Variants in TGM6 observed in about 807,000 individuals in gnomAD.
The protein encoded by TGM6 is protein-glutamine gamma-glutamyltransferase 6.
In TGM6, 74 loss-of-function variants were observed where a neutral mutation model predicts 77.5. That is an observed-to-expected ratio of 0.96 (90% CI 0.79 to 1.16). The LOEUF is 1.16. TGM6 is among the 50% of genes most tolerant of loss of function. TGM6 has a pLI of 0.00. For synonymous variants in TGM6, 383 were observed against 378.9 expected, an observed-to-expected ratio of 1.01 and a Z score of -0.12; for missense variants, 968 against 940.2, an observed-to-expected ratio of 1.03 and a Z score of -0.39.
chr20:2,395,516 G>A, intron 3 of TGM6, 80 bp downstream of exon 3: 1 of 1,611,750 alleles, frequency 6.2e-7, no homozygotes, highest in Non-Finnish European at 8.5e-7. Context: ...GGGGGCCTGG[G>A]AGGTGGGTTA....
At chr20:2,407,506 C>T (rs963583833) in intron 9 of TGM6, among the ~76,000 whole-genome samples, 3 of 152,126 alleles carry the variant, frequency 2.0e-5, no homozygotes, top group African/African-American at 7.2e-5. Context: ...GTAGTCCCAG[C>T]TGTTCAGGAG....
At chr20:2,381,901 G>C (rs2122316729) in intron 1 of TGM6, among the ~76,000 whole-genome samples, 1 of 152,236 alleles carries the variant, frequency 6.6e-6, no homozygotes, top group East Asian at 1.9e-4. Context: ...CTGGGCAACA[G>C]AGTGAGACCC....
chr20:2,430,789 G>A, intron 11 of TGM6, 105 bp from the exon 12 acceptor site: 3 of 1,604,484 alleles, frequency 1.9e-6, no homozygotes, highest in Non-Finnish European at 2.6e-6. Context: ...TATGGAGGTG[G>A]GGGTGGACAT....
intron 10 of TGM6, among the ~76,000 whole-genome samples, chr20:2,426,190 C>T (rs2084886454): frequency 6.6e-6 from 1 of 152,094 alleles, no homozygotes; most frequent in Non-Finnish European, 1.5e-5. Context: ...CAGAGTTTTA[C>T]AGTTCTTCTT....
chr20:2,426,638 G>A (rs963880171), intron 10 of TGM6, among the ~76,000 whole-genome samples: 2 of 152,158 alleles, frequency 1.3e-5, no homozygotes, highest in Non-Finnish European at 2.9e-5. Context: ...TAAGGACAAT[G>A]TTTGCTGTAG....
intron 9 of TGM6, among the ~76,000 whole-genome samples, chr20:2,407,456 T>A (rs953087191): frequency 6.6e-6 from 1 of 152,066 alleles, no homozygotes; most frequent in Admixed American, 6.6e-5. Flanking sequence ...CCATTTCTAC[T>A]AAAAATACAA....
At chr20:2,402,517 G>A (rs1029866829) in intron 7 of TGM6, among the ~76,000 whole-genome samples, 10 of 151,970 alleles carry the variant, frequency 6.6e-5, no homozygotes, top group Non-Finnish European at 1.5e-4. Context: ...TTGATGTTGG[G>A]GACTCTGTCA....
Position 2,403,620 on chromosome 20 carries a change from G to A in TGM6, c.1133G>A (p.Arg378His), listed in dbSNP as rs756051299. ...GGCCCAGCCTCAGTCACCGCCATCCGCGAGGGTGATGTGCACCTGGCTCAC... is the reference window on the plus strand; with the variant it reads ...GGCCCAGCCTCAGTCACCGCCATCCACGAGGGTGATGTGCACCTGGCTCAC... ...RCGPASVTAI[R>H]EGDVHLAHDG... Residue 378 changes from arginine to histidine, a missense_variant, in exon 9 of 13, where the codon CGC becomes CAC. Transcript: ENST00000202625. 3.5e-5 allele frequency: 57 copies of A among 1,614,004 alleles called. No individual in the cohort carries two copies. Among genetic ancestry groups the A allele is most frequent in the Middle Eastern group, 1.6e-4 (1 of 6,084 alleles).
At chr20:2,423,249 C>A (rs373409662) in intron 10 of TGM6, among the ~76,000 whole-genome samples, 3 of 151,666 alleles carry the variant, frequency 2.0e-5, no homozygotes, top group Non-Finnish European at 2.9e-5. Flanking sequence ...CTTCCTTTCA[C>A]GAAGGATTTC....
intron 9 of TGM6, among the ~76,000 whole-genome samples, chr20:2,416,877 T>C (rs968705946): frequency 1.3e-5 from 2 of 152,218 alleles, no homozygotes; most frequent in Non-Finnish European, 2.9e-5. Flanking sequence ...TACTTCCCTG[T>C]GTCTCGGCTT....
At position 2,383,127 on chromosome 20, in the gene TGM6, G is replaced by A. The variant is rs118069771; in HGVS notation, c.7+2152G>A. On this transcript the variant is annotated intron_variant, in intron 1 of 12. Transcript: ENST00000202625. ...CCCAGAAAGGCCCCAGGCAACTCTC[G>A]ATAAATCATTTAGTCATGGAGTTCA... is the stretch of plus-strand genomic sequence containing the variant. Among the ~76,000 whole-genome samples the A allele has an allele frequency of 2.9e-3, 447 of 152,282 alleles. 1 individual carries two copies. The highest frequency in any genetic ancestry group is 0.014 in the Middle Eastern group (4 of 294).
In TGM6 at chr20:2,403,790, G is replaced by A. The variant is rs769042038; in HGVS notation, c.1303G>A (p.Val435Met). ...STKAVGSDSR[V>M]DITDLYKYPE... Reference sequence around the variant, plus strand: ...CAAGGCGGTGGGCAGTGACTCCCGCGTGGACATCACTGACCTCTACAAGTA... The same window carrying A: ...CAAGGCGGTGGGCAGTGACTCCCGCATGGACATCACTGACCTCTACAAGTA... Residue 435 changes from valine to methionine, a missense_variant, in exon 9 of 13, where the codon GTG becomes ATG. By Grantham distance (21) the Val-to-Met change is conservative. Coordinates refer to ENST00000202625, the MANE Select transcript of TGM6 (RefSeq NM_198994.3). 26 of 1,614,044 alleles carry A rather than the reference G, an allele frequency of 1.6e-5. No individual in the cohort carries two copies. The highest frequency in any genetic ancestry group is 1.6e-4 in the Middle Eastern group (1 of 6,084).
chr20:2,390,674 A>G (rs1056975758), intron 1 of TGM6, among the ~76,000 whole-genome samples: 2 of 152,248 alleles, frequency 1.3e-5, no homozygotes, highest in Non-Finnish European at 2.9e-5. Flanking sequence ...AATATATTGT[A>G]AGATGTCAGT....
At chr20:2,432,117 T>A (rs1307198567) in intron 12 of TGM6, among the ~76,000 whole-genome samples, 1 of 152,188 alleles carries the variant, frequency 6.6e-6, no homozygotes, top group Non-Finnish European at 1.5e-5. Context: ...GGTGCAGTCT[T>A]GGCTCACTGC....
chr20:2,422,683 G>A (rs1252626136), intron 10 of TGM6, among the ~76,000 whole-genome samples: 1 of 152,108 alleles, frequency 6.6e-6, no homozygotes. Context: ...TGTAATCCCA[G>A]CACTTTGGGA....
In TGM6 at chr20:2,394,590, A is replaced by T. The variant is rs12106280; in HGVS notation, c.146A>T (p.Asp49Val). 4.7e-4 allele frequency: 754 copies of T among 1,612,048 alleles called. 1 individual carries two copies. The African/African-American group carries it at 8.2e-3, about 17-fold the overall frequency. The change falls in exon 2 of 13, where the codon GAC becomes GTC. Residue 49 changes from aspartate to valine, a missense_variant. Physicochemically the swap from Asp to Val is radical, Grantham distance 152 (BLOSUM62 -3). Transcript: ENST00000202625. ...SLTLELSRALDCEEILIFTME... is the reference protein window; with the variant it reads ...SLTLELSRALVCEEILIFTME... ...ACGCTGGAGCTGAGCAGAGCCCTGG[A>T]CTGTGAGGAGATCCTCATCTTCACG... is the stretch of plus-strand genomic sequence containing the variant.
In TGM6 at chr20:2,417,377, C is replaced by T. The variant is rs759093833; in HGVS notation, c.1482C>T (p.Ser494=). 1.9e-6 allele frequency: 3 copies of T among 1,613,764 alleles called. No homozygotes were observed. The highest frequency in any genetic ancestry group is 2.5e-6 in the Non-Finnish European group (3 of 1,179,934). ...TCCTGGAGCCTGCCACCAAGCCCAG[C>T]ATCGCTGGCAAGTTCAAGGTGCTAG... ...DDLLEPATKP[S]IAGKFKVLEP... is the part of the protein sequence containing the mutation. The change falls in exon 10 of 13, where the codon AGC becomes AGT. Residue 494 remains serine, a synonymous_variant. Coordinates refer to ENST00000202625, the MANE Select transcript of TGM6 (RefSeq NM_198994.3).
intron 9 of TGM6, among the ~76,000 whole-genome samples, chr20:2,407,356 C>T (rs531195462): frequency 3.0e-4 from 46 of 152,290 alleles, no homozygotes; most frequent in Admixed American, 2.6e-3. Context: ...TGGTGGCTCA[C>T]GCCTGCAATC....
intron 10 of TGM6, among the ~76,000 whole-genome samples, chr20:2,419,993 C>T (rs2084844812): frequency 6.6e-6 from 1 of 152,130 alleles, no homozygotes; most frequent in Non-Finnish European, 1.5e-5. Flanking sequence ...GCCTGTAATC[C>T]CAGCACTTTG....
Sources: allele counts gnomAD v4.1 joint callset (sites outside exome capture counted in the v4.1 genomes callset), GRCh38; gene constraint gnomAD v4.1.1; transcripts MANE v1.5; gene names NCBI Gene and HGNC (gene_info 2026-07-23, HGNC 2026-07-21).